The following ANKDD1A variants were observed in gnomAD, a reference collection of about 807,000 sequenced individuals.
The protein encoded by ANKDD1A is ankyrin repeat and death domain-containing protein 1A.
In ANKDD1A, 59 loss-of-function variants were observed where a neutral mutation model predicts 63.5. The observed-to-expected ratio is 0.93, with a 90% CI of 0.75 to 1.15. The LOEUF is 1.15. ANKDD1A is among the 50% of genes most tolerant of loss of function. The pLI is 0.00. For missense variants in ANKDD1A, 632 were observed against 656.4 expected (o/e 0.96, Z 0.41); for synonymous variants, 266 against 263.9 (o/e 1.01, Z -0.08).
intron 14 of ANKDD1A, among the ~76,000 whole-genome samples, chr15:64,953,524 CCTT>C (rs1462691231): frequency 8.9e-5 from 6 of 67,100 alleles, no homozygotes; most frequent in South Asian, 6.2e-4. Flanking sequence ...TCTCCTTCTT[CCTT>C]CTTCTCCTCT....
intron 12 of ANKDD1A, among the ~76,000 whole-genome samples, chr15:64,945,162 C>A (rs1879927): frequency 0.86 from 130,476 of 152,162 alleles, 58,754 homozygotes; most frequent in East Asian, 1. Context: ...ATTCATTAGT[C>A]GTGTCTCCTG....
intron 14 of ANKDD1A, among the ~76,000 whole-genome samples, chr15:64,951,661 T>TTC (rs2085281440): frequency 1.1e-4 from 5 of 45,750 alleles, no homozygotes; most frequent in East Asian, 1.6e-3. Context: ...CCTTCTATCT[T>TTC]CTTTTTCTTT....
intron 9 of ANKDD1A, among the ~76,000 whole-genome samples, chr15:64,941,824 G>A (rs1213289214): frequency 4.6e-5 from 7 of 152,176 alleles, no homozygotes; most frequent in Non-Finnish European, 1.5e-5. Flanking sequence ...GTCTTCCACT[G>A]TTGAAGGAGA....
chr15:64,953,198 T>G (rs1236647510), intron 14 of ANKDD1A, among the ~76,000 whole-genome samples: 4 of 100,878 alleles, frequency 4.0e-5, no homozygotes, highest in Non-Finnish European at 9.1e-5. Flanking sequence ...CCTCTTCTTA[T>G]TCTTTCTTCT....
intron 14 of ANKDD1A, among the ~76,000 whole-genome samples, chr15:64,953,994 TCTTTC>T (rs1255505066): frequency 2.7e-4 from 36 of 135,358 alleles, no homozygotes; most frequent in South Asian, 8.3e-4. Flanking sequence ...CTTCTTCCTT[TCTTTC>T]CTTTCTTCTT....
At chr15:64,954,494 C>A in intron 14 of ANKDD1A, among the ~76,000 whole-genome samples, 1 of 139,462 alleles carries the variant, frequency 7.2e-6, no homozygotes, top group East Asian at 2.1e-4. Context: ...CTTCCTTCTC[C>A]TTCTTCTTCC....
At position 64,934,220 on chromosome 15, in the gene ANKDD1A, A is replaced by G; in HGVS notation, c.853A>G (p.Asn285Asp). The part of the protein sequence containing the change: ...RVLIHAGGCA[N>D]VVDHQGASPL... The stretch of plus-strand genomic sequence containing the variant: ...CCTCATCCACGCAGGAGGCTGCGCC[A>G]ACGTGGTTGATCATGTAAGTATGGT... Residue 285 changes from asparagine to aspartate, a missense_variant, in exon 9 of 15, where the codon AAC (asparagine) becomes GAC (aspartate). Transcript: ENST00000319580. 6.2e-7 allele frequency: 1 copy of G among 1,611,922 alleles called. No individual in the cohort carries two copies. The highest frequency in any genetic ancestry group is 8.5e-7 in the Non-Finnish European group (1 of 1,178,974).
intron 14 of ANKDD1A, among the ~76,000 whole-genome samples, chr15:64,953,668 C>CT (rs2085354962): frequency 4.9e-4 from 4 of 8,150 alleles, no homozygotes; most frequent in African/African-American, 7.0e-4. Flanking sequence ...TTTCTTTCTT[C>CT]TCCTTCTTTT....
At chr15:64,956,434 T>TCACCAGGTGG (rs2085417708) in intron 14 of ANKDD1A, among the ~76,000 whole-genome samples, 1 of 152,040 alleles carries the variant, frequency 6.6e-6, no homozygotes, top group Admixed American at 6.6e-5. Context: ...CTGTAGTCAG[T>TCACCAGGTGG]CGCAGCTACC....
chr15:64,935,255 G>A (rs1330730508), intron 9 of ANKDD1A, among the ~76,000 whole-genome samples: 2 of 149,856 alleles, frequency 1.3e-5, no homozygotes, highest in Non-Finnish European at 3.0e-5. Flanking sequence ...ATTGGGTTGG[G>A]CATGGTGGCG....
chr15:64,951,691 C>T (rs1440743121), intron 14 of ANKDD1A, among the ~76,000 whole-genome samples: 8 of 117,518 alleles, frequency 6.8e-5, no homozygotes, highest in East Asian at 2.5e-4. Context: ...TTTCTTCTTC[C>T]TCTTCTTCTT....
rs1595844067 is a variant in ANKDD1A, at chr15:64,911,967, G to T, written c.34+3G>T. ...GCTGGCGTGGGAGACCGACGGCCGT[G>T]AGTCTGCCTGGAGGAGGGAGGGGGG... On this transcript the variant is annotated splice_donor_region_variant and intron_variant, in intron 1 of 14. Coordinates refer to ENST00000319580, the MANE Select transcript of ANKDD1A (RefSeq NM_182703.6). 1 of 971,796 alleles carries T rather than the reference G, an allele frequency of 1.0e-6. No individual in the cohort carries two copies. Among genetic ancestry groups the T allele is most frequent in the East Asian group, 4.5e-5 (1 of 22,450 alleles). 60.2% of individuals were successfully genotyped at this position (971,796 alleles called of 1,614,324 possible). A position where few individuals can be genotyped will look rare whatever the true frequency, so the allele number is the denominator to read the frequency against.
chr15:64,937,720 T>A (rs553765265), intron 9 of ANKDD1A, among the ~76,000 whole-genome samples: 12 of 152,206 alleles, frequency 7.9e-5, no homozygotes, highest in African/African-American at 2.6e-4. Context: ...AGTGAGACTC[T>A]GTCTCAAAAA....
At chr15:64,937,193 G>A (rs74019377) in intron 9 of ANKDD1A, among the ~76,000 whole-genome samples, 149,759 of 151,866 alleles carry the variant, frequency 0.99, 73,838 homozygotes, top group Non-Finnish European at 1. Flanking sequence ...AAGTTGGTAC[G>A]ATCTGTTCAG....
intron 9 of ANKDD1A, among the ~76,000 whole-genome samples, chr15:64,937,021 G>A (rs1041508692): frequency 6.6e-6 from 1 of 152,132 alleles, no homozygotes; most frequent in Admixed American, 6.5e-5. Flanking sequence ...TCATTAGGTT[G>A]GCAAAAATCC....
intron 9 of ANKDD1A, among the ~76,000 whole-genome samples, chr15:64,939,054 A>T (rs2085159338): frequency 6.6e-6 from 1 of 152,200 alleles, no homozygotes; most frequent in Admixed American, 6.5e-5. Context: ...ACTAATTAAG[A>T]TGTTAGCAGT....
rs751776303 is a variant in ANKDD1A, at chr15:64,944,641, C to CT, written c.1066-9dup. ...GAAACTCTGGCTTCTCTTCTTGCCT[C>CT]TTAATTGCAGCAGGGAAAAACCGCC... On this transcript the variant is annotated splice_polypyrimidine_tract_variant and intron_variant, in intron 11 of 14. Coordinates refer to ENST00000319580, the MANE Select transcript of ANKDD1A (RefSeq NM_182703.6). The CT allele has an allele frequency of 3.1e-6, 5 of 1,613,310 alleles. No individual in the cohort carries two copies. The highest frequency in any genetic ancestry group is 3.3e-5 in the Admixed American group (2 of 59,932).
intron 14 of ANKDD1A, among the ~76,000 whole-genome samples, chr15:64,953,307 CTT>C (rs1267397736): frequency 1.4e-5 from 2 of 144,210 alleles, no homozygotes; most frequent in South Asian, 4.5e-4. Context: ...TCTTCTTTTA[CTT>C]TTTTCTTTCT....
chr15:64,924,410 G>A (rs1358787137), intron 4 of ANKDD1A, among the ~76,000 whole-genome samples: 1 of 152,232 alleles, frequency 6.6e-6, no homozygotes, highest in African/African-American at 2.4e-5. Flanking sequence ...CACCACCCTG[G>A]GGTGTGCTTC....
Sources: allele counts gnomAD v4.1 joint callset (sites outside exome capture counted in the v4.1 genomes callset), GRCh38; gene constraint gnomAD v4.1.1; transcripts MANE v1.5; gene names NCBI Gene and HGNC (gene_info 2026-07-23, HGNC 2026-07-21).